Variants in FSHR observed in about 807,000 individuals in gnomAD.
FSHR encodes the protein follicle stimulating hormone receptor, also known as follicle-stimulating hormone receptor.
In FSHR, 46 loss-of-function variants were observed where a neutral mutation model predicts 52.1. The observed-to-expected ratio is 0.88, with a 90% CI of 0.70 to 1.13. The LOEUF (loss-of-function observed/expected upper bound fraction) is 1.13. FSHR is among the 50% of genes most tolerant of loss of function. The probability of loss-of-function intolerance (pLI) is 0.00; values close to 1 mark genes in which losing one functional copy is unlikely to be tolerated. For missense variants in FSHR, 964 were observed against 834.6 expected, an observed-to-expected ratio of 1.16 and a Z score of -1.91; for synonymous variants, 399 against 309.6, an observed-to-expected ratio of 1.29 and a Z score of -3.03.
chr2:49,107,607 C>T (rs1671276511), intron 1 of FSHR, among the ~76,000 whole-genome samples: 1 of 152,122 alleles, frequency 6.6e-6, no homozygotes, highest in Non-Finnish European at 1.5e-5. Context: ...AATGGTTAAT[C>T]ACAAAATTAA....
chr2:49,109,293 C>G (rs1159922953), intron 1 of FSHR, among the ~76,000 whole-genome samples: 2 of 151,982 alleles, frequency 1.3e-5, no homozygotes, highest in African/African-American at 2.4e-5. Context: ...GAAAGAGACA[C>G]TTGAGAGGGG....
intron 4 of FSHR, among the ~76,000 whole-genome samples, chr2:49,013,497 T>TATATAA (rs1667362860): frequency 4.5e-5 from 3 of 66,560 alleles, no homozygotes; most frequent in African/African-American, 1.1e-4. Flanking sequence ...TATATATATA[T>TATATAA]ATAAATATAT....
At chr2:49,099,839 T>A (rs922354141) in intron 1 of FSHR, among the ~76,000 whole-genome samples, 3 of 152,156 alleles carry the variant, frequency 2.0e-5, no homozygotes, top group Non-Finnish European at 4.4e-5. Context: ...ACCCTAAGTT[T>A]AGCGTTCTAA....
chr2:49,007,239 T>C (rs997246915), intron 4 of FSHR, among the ~76,000 whole-genome samples: 1 of 152,134 alleles, frequency 6.6e-6, no homozygotes, highest in African/African-American at 2.4e-5. Flanking sequence ...TGATTCATTG[T>C]GTAGGGACAT....
chr2:49,112,907 C>T (rs1397001252), intron 1 of FSHR, among the ~76,000 whole-genome samples: 1 of 152,070 alleles, frequency 6.6e-6, no homozygotes, highest in East Asian at 1.9e-4. Context: ...AACTTTTATT[C>T]CTGACACAAG....
intron 1 of FSHR, among the ~76,000 whole-genome samples, chr2:49,126,352 G>A (rs1393314372): frequency 6.6e-6 from 1 of 151,926 alleles, no homozygotes; most frequent in African/African-American, 2.4e-5. Flanking sequence ...GGGGCAAGAA[G>A]GGATTGAACT....
intron 2 of FSHR, among the ~76,000 whole-genome samples, chr2:49,048,262 TA>T (rs34014225): frequency 0.53 from 79,927 of 150,220 alleles, 22,301 homozygotes; most frequent in East Asian, 0.71. Flanking sequence ...TTGAGGATGA[TA>T]AAAAAAAAGT....
At chr2:49,089,224 G>A (rs1292551420) in intron 1 of FSHR, among the ~76,000 whole-genome samples, 1 of 152,064 alleles carries the variant, frequency 6.6e-6, no homozygotes, top group East Asian at 1.9e-4. Flanking sequence ...TCGACAGGGA[G>A]AAAGATTCCC....
chr2:49,004,021 AAC>A (rs1200125348), intron 4 of FSHR, among the ~76,000 whole-genome samples: 1 of 152,180 alleles, frequency 6.6e-6, no homozygotes, highest in African/African-American at 2.4e-5. Flanking sequence ...AATAAGAGGC[AAC>A]AGTTTATTTT....
intron 2 of FSHR, among the ~76,000 whole-genome samples, chr2:49,042,519 G>T (rs1198605450): frequency 6.6e-6 from 1 of 152,208 alleles, no homozygotes; most frequent in East Asian, 1.9e-4. Context: ...AAGAGTTGAA[G>T]AATTCATTGC....
intron 2 of FSHR, among the ~76,000 whole-genome samples, chr2:49,049,514 G>T (rs1007636371): frequency 6.6e-6 from 1 of 152,252 alleles, no homozygotes; most frequent in Admixed American, 6.5e-5. Context: ...GGCCAAGAGG[G>T]TGGGGGATAT....
At chr2:49,046,076 T>A (rs17038143) in intron 2 of FSHR, among the ~76,000 whole-genome samples, 6 of 152,332 alleles carry the variant, frequency 3.9e-5, no homozygotes, top group African/African-American at 1.4e-4. Flanking sequence ...CAAATTTTTC[T>A]GAGCTTCATC....
At chr2:48,989,550 G>C (rs760844428) in intron 5 of FSHR, among the ~76,000 whole-genome samples, 1 of 152,132 alleles carries the variant, frequency 6.6e-6, no homozygotes, top group Non-Finnish European at 1.5e-5. Context: ...CGAAAGTACT[G>C]GATTAGAGCC....
intron 1 of FSHR, 42 bp downstream of exon 1, chr2:49,154,224 A>C: frequency 6.2e-7 from 1 of 1,602,864 alleles, no homozygotes; most frequent in East Asian, 2.2e-5. Context: ...GCAATGCACA[A>C]ATGCCAGCCA....
At chr2:49,005,947 C>T (rs1401759336) in intron 4 of FSHR, among the ~76,000 whole-genome samples, 1 of 152,108 alleles carries the variant, frequency 6.6e-6, no homozygotes, top group Non-Finnish European at 1.5e-5. Flanking sequence ...ACCATCTAAT[C>T]AGCTGCCAGC....
intron 1 of FSHR, among the ~76,000 whole-genome samples, chr2:49,153,883 A>T (rs1297777361): frequency 2.0e-5 from 3 of 152,206 alleles, no homozygotes; most frequent in Admixed American, 2.0e-4. Flanking sequence ...TATTCTGCTT[A>T]GATCAAAGCT....
At chr2:49,145,907 A>G (rs1341731365) in intron 1 of FSHR, among the ~76,000 whole-genome samples, 1 of 152,100 alleles carries the variant, frequency 6.6e-6, no homozygotes, top group Non-Finnish European at 1.5e-5. Context: ...GCTGGAGAAA[A>G]TAGTAGTACT....
At chr2:49,110,360 C>T (rs1053085499) in intron 1 of FSHR, among the ~76,000 whole-genome samples, 1 of 152,098 alleles carries the variant, frequency 6.6e-6, no homozygotes, top group Admixed American at 6.5e-5. Context: ...AATGCTGACT[C>T]TTTTAACTAC....
At chr2:48,974,820 T>G (rs1486476048) in intron 8 of FSHR, among the ~76,000 whole-genome samples, 4 of 152,200 alleles carry the variant, frequency 2.6e-5, no homozygotes, top group Non-Finnish European at 2.9e-5. Context: ...TTAACTATAG[T>G]ATATTCCCTT....
Sources: gnomAD v4.1 joint callset for allele counts (sites outside exome capture counted in the v4.1 genomes callset) on GRCh38, gnomAD v4.1.1 for gene constraint, MANE v1.5 for transcripts, NCBI Gene and HGNC (gene_info 2026-07-23, HGNC 2026-07-21) for gene names.